The following SMC4 variants were observed in gnomAD, a reference collection of about 807,000 sequenced individuals.
SMC4 encodes structural maintenance of chromosomes protein 4.
SMC4 carries 87 observed loss-of-function variants against 145.6 expected under a neutral mutation model. The observed-to-expected ratio is 0.60, with a 90% CI of 0.50 to 0.71. The LOEUF is 0.71. SMC4 is among the 30% of genes least tolerant of loss of function. The pLI, the probability that SMC4 is intolerant of heterozygous loss-of-function variation, is 0.00. For synonymous variants in SMC4, 558 were observed against 500.7 expected (o/e 1.11, Z -1.53); for missense variants, 1,447 against 1,537.1 (o/e 0.94, Z 0.98).
chr3:160,407,484 C>T (rs1013774511), intron 5 of SMC4, among the ~76,000 whole-genome samples: 48 of 151,956 alleles, frequency 3.2e-4, no homozygotes, highest in African/African-American at 1.1e-3. Context: ...ACCCAGGAGG[C>T]AGAGGTTGCA....
At chr3:160,419,261 T>C (rs1273045315) in intron 11 of SMC4, 97 bp from the exon 12 acceptor site, 7 of 779,564 alleles carry the variant, frequency 9.0e-6, no homozygotes, top group Admixed American at 3.5e-5. Flanking sequence ...GGTCTTTCTT[T>C]CTTTATTGTT....
rs765128491 is a variant in SMC4 at position 160,425,019 on chromosome 3, G to GGTGTGTGTGTGTGTGTGTGT, written c.2478+2_2478+3insGTGTGTGTGTGTGTGTGTGT. 5 of 1,227,010 alleles carry GGTGTGTGTGTGTGTGTGTGT rather than the reference G, an allele frequency of 4.1e-6. No homozygotes were observed. The African/African-American group carries it at 6.3e-5, about 16-fold the overall frequency. 76.0% of individuals were successfully genotyped at this position (1,227,010 alleles called of 1,614,324 possible). A position where few individuals can be genotyped will look rare whatever the true frequency, so the allele number is the denominator to read the frequency against. ...TAGAAAAATTTACTGCAAGCATCCAGGTATGTGTGTGTGTGTGTGTGTGTG... is the reference window on the plus strand; with the variant it reads ...TAGAAAAATTTACTGCAAGCATCCAGGTGTGTGTGTGTGTGTGTGTGTATGTGTGTGTGTGTGTGTGTGTG... On this transcript the variant is annotated frameshift_variant and splice_region_variant. Transcript: ENST00000357388. LOFTEE classifies it high-confidence loss of function.
At chr3:160,418,217 T>C (rs537645298) in intron 11 of SMC4, among the ~76,000 whole-genome samples, 8 of 152,170 alleles carry the variant, frequency 5.3e-5, no homozygotes, top group Non-Finnish European at 8.8e-5. Context: ...CAAAAGAAAG[T>C]TTGTGTTTCT....
chr3:160,411,871 A>T (rs755317984), intron 5 of SMC4, 49 bp from the exon 6 acceptor site: 1 of 1,509,220 alleles, frequency 6.6e-7, no homozygotes, highest in Non-Finnish European at 9.1e-7. Flanking sequence ...CTTAAGATTG[A>T]TTTAGCTAAA....
In SMC4 at chr3:160,423,505, A is replaced by C; in HGVS notation, c.2100A>C (p.Lys700Asn). 6.2e-7 allele frequency: 1 copy of C among 1,613,838 alleles called. No individual in the cohort carries two copies. The highest frequency in any genetic ancestry group is 1.7e-4 in the Middle Eastern group (1 of 6,060). Residue 700 changes from lysine (K) to asparagine (N), a missense_variant, in exon 14 of 24, where the codon AAA becomes AAC. Lys to Asn is a moderately conservative substitution (Grantham distance 94). Coordinates refer to ENST00000357388, the MANE Select transcript of SMC4 (RefSeq NM_001002800.3). ...GTTTATTTGATTTAGTAAAAGTAAA[A>C]GATGAGAAAATTCGCCAAGCTTTTT... ...TPRLFDLVKV[K>N]DEKIRQAFYF...
At chr3:160,401,844 G>GA in intron 2 of SMC4, 71 bp from the exon 3 acceptor site, 1 of 1,224,192 alleles carries the variant, frequency 8.2e-7, no homozygotes, top group Admixed American at 2.6e-5. Flanking sequence ...TTAGTTCTCC[G>GA]AACTAATTGC....
intron 2 of SMC4, among the ~76,000 whole-genome samples, chr3:160,401,429 G>A (rs998671312): frequency 3.3e-5 from 5 of 152,108 alleles, no homozygotes; most frequent in African/African-American, 1.2e-4. Flanking sequence ...AGCCACTGTA[G>A]CTTTTGTGAG....
At chr3:160,422,363 T>C (rs1289388750) in intron 13 of SMC4, among the ~76,000 whole-genome samples, 1 of 152,238 alleles carries the variant, frequency 6.6e-6, no homozygotes, top group African/African-American at 2.4e-5. Context: ...ACACTTGTTA[T>C]GGTACATCTT....
At chr3:160,433,627 A>G in intron 23 of SMC4, 30 bp from the exon 24 acceptor site, 3 of 1,393,790 alleles carry the variant, frequency 2.2e-6, no homozygotes. Flanking sequence ...GTTATTACTT[A>G]ATGTTTGACT....
At chr3:160,402,202 C>T in intron 3 of SMC4, 109 bp downstream of exon 3, 1 of 601,836 alleles carries the variant, frequency 1.7e-6, no homozygotes, top group South Asian at 2.7e-5. Context: ...TCATTCACTC[C>T]CTATTTATCC....
At chr3:160,405,319 G>GA (rs34753335) in intron 5 of SMC4, among the ~76,000 whole-genome samples, 18,651 of 148,126 alleles carry the variant, frequency 0.13, 2,970 homozygotes, top group African/African-American at 0.38. Context: ...GAATTTTTCG[G>GA]AAAAAAAAAA....
At chr3:160,425,609 A>G (rs902727011) in intron 16 of SMC4, among the ~76,000 whole-genome samples, 13 of 152,074 alleles carry the variant, frequency 8.5e-5, no homozygotes, top group African/African-American at 1.2e-4. Flanking sequence ...TAATTTGACA[A>G]ATTTTTTTTG....
intron 20 of SMC4, among the ~76,000 whole-genome samples, 184 bp downstream of exon 20, chr3:160,431,389 A>G (rs552517308): frequency 9.8e-4 from 150 of 152,290 alleles, no homozygotes; most frequent in Non-Finnish European, 1.6e-3. Flanking sequence ...TTATATACAG[A>G]AAAGTCTGAG....
At chr3:160,411,776 C>A in intron 5 of SMC4, 144 bp from the exon 6 acceptor site, 1 of 555,668 alleles carries the variant, frequency 1.8e-6, no homozygotes, top group South Asian at 3.5e-5. Flanking sequence ...TTATTTATAC[C>A]TTATTAAATC....
chr3:160,426,210 G>GA lies in SMC4; in HGVS notation c.2605+11dup. The GA allele has an allele frequency of 6.3e-7, 1 of 1,577,232 alleles. No individual in the cohort carries two copies. The highest frequency in any genetic ancestry group is 8.6e-7 in the Non-Finnish European group (1 of 1,167,484). Reference sequence around the variant, plus strand: ...AGTGCTTTCAAAACAGGTATGTTTAGAGATAGACCTTTTTTGGGGGGAAAA... The same window carrying GA: ...AGTGCTTTCAAAACAGGTATGTTTAGAAGATAGACCTTTTTTGGGGGGAAAA... On this transcript the variant is annotated intron_variant, in intron 17 of 23. Coordinates refer to ENST00000357388, the MANE Select transcript of SMC4 (RefSeq NM_001002800.3).
At chr3:160,409,190 C>T (rs999068571) in intron 5 of SMC4, among the ~76,000 whole-genome samples, 2 of 138,346 alleles carry the variant, frequency 1.4e-5, no homozygotes, top group African/African-American at 5.3e-5. Context: ...GGCGTGAACC[C>T]GGGAGGCGGA....
chr3:160,420,551 C>T, intron 12 of SMC4, 189 bp from the exon 13 acceptor site: 3 of 476,196 alleles, frequency 6.3e-6, no homozygotes, highest in South Asian at 3.6e-5. Flanking sequence ...ATTTTGTGCT[C>T]ATTAGAAATT....
chr3:160,427,082 C>T (rs549289086), intron 17 of SMC4, among the ~76,000 whole-genome samples: 1 of 152,276 alleles, frequency 6.6e-6, no homozygotes, highest in East Asian at 1.9e-4. Context: ...TTCCACAATG[C>T]ATATCAAATG....
intron 2 of SMC4, 100 bp downstream of exon 2, chr3:160,401,065 A>G (rs1008297255): frequency 1.5e-6 from 2 of 1,317,938 alleles, no homozygotes; most frequent in Non-Finnish European, 1.9e-6. Context: ...CGCGGAGTTG[A>G]CATCTGAAGG....
Sources: gnomAD v4.1 joint callset for allele counts (sites outside exome capture counted in the v4.1 genomes callset) on GRCh38, gnomAD v4.1.1 for gene constraint, MANE v1.5 for transcripts, NCBI Gene and HGNC (gene_info 2026-07-23, HGNC 2026-07-21) for gene names.